The following PPP1R1B variants were observed in gnomAD, a reference collection of about 807,000 sequenced individuals.
The protein encoded by PPP1R1B is protein phosphatase 1 regulatory subunit 1B.
A neutral mutation model predicts 28.2 loss-of-function variants in PPP1R1B; 13 were observed. The ratio of observed to expected loss-of-function variants is 0.46; its 90% CI spans 0.30 to 0.73. The LOEUF (loss-of-function observed/expected upper bound fraction) is 0.73, where lower values mean the gene tolerates loss of function less well. Among genes scored for constraint, PPP1R1B ranks in the 30% least tolerant of loss-of-function variants. The pLI is 0.07. For synonymous variants in PPP1R1B, 102 were observed against 97.5 expected (o/e 1.05, Z -0.27); for missense variants, 236 against 256.7 (o/e 0.92, Z 0.55).
chr17:39,629,385 T>G (rs1431226810), intron 2 of PPP1R1B, 155 bp downstream of exon 2: 1 of 1,251,716 alleles, frequency 8.0e-7, no homozygotes, highest in Non-Finnish European at 1.2e-6. Flanking sequence ...TTTATTGACA[T>G]GACACCTCCC....
intron 4 of PPP1R1B, chr17:39,630,337 C>T (rs1431150886): frequency 9.5e-6 from 4 of 423,068 alleles, no homozygotes; most frequent in Non-Finnish European, 1.3e-5. Flanking sequence ...GGAAGGGACT[C>T]CACCTGCAGC....
At chr17:39,627,500 A>G (rs779768419) in intron 1 of PPP1R1B, 27 bp downstream of exon 1, 2 of 1,417,056 alleles carry the variant, frequency 1.4e-6, no homozygotes, top group Admixed American at 4.2e-5. Context: ...CCACCCCGGC[A>G]GCGTACCCGA....
At chr17:39,635,485 T>C in intron 5 of PPP1R1B, 122 bp from the exon 6 acceptor site, 3 of 1,357,330 alleles carry the variant, frequency 2.2e-6, no homozygotes. Flanking sequence ...CAGTTCTCTC[T>C]CCATGCTTCC....
chr17:39,629,114 G>C, intron 1 of PPP1R1B, 56 bp from the exon 2 acceptor site: 2 of 1,543,634 alleles, frequency 1.3e-6, no homozygotes, highest in South Asian at 1.1e-5. Context: ...CTGCTGCCTG[G>C]GGGTGGGGGA....
At chr17:39,635,506 T>G (rs2056912825) in intron 5 of PPP1R1B, 101 bp from the exon 6 acceptor site, 1 of 1,489,142 alleles carries the variant, frequency 6.7e-7, no homozygotes, top group Non-Finnish European at 9.1e-7. Context: ...ATGATGCCCC[T>G]GGAAAGCTTA....
chr17:39,628,576 C>A, intron 1 of PPP1R1B: 1 of 986,072 alleles, frequency 1.0e-6, no homozygotes, highest in Non-Finnish European at 1.2e-6. Flanking sequence ...CCAAGGCCCC[C>A]AGAGAGGTCC....
chr17:39,635,270 T>G (rs2056909487), intron 5 of PPP1R1B, among the ~76,000 whole-genome samples: 2 of 151,816 alleles, frequency 1.3e-5, no homozygotes, highest in Admixed American at 1.3e-4. Context: ...GGGCACCGGG[T>G]CAAATGATAG....
At chr17:39,627,841 T>A (rs1283486104) in intron 1 of PPP1R1B, among the ~76,000 whole-genome samples, 1 of 151,878 alleles carries the variant, frequency 6.6e-6, no homozygotes, top group Non-Finnish European at 1.5e-5. Flanking sequence ...CCGCTCCGCC[T>A]GGCTCTGTCC....
Position 39,631,979 on chromosome 17 carries a change from C to T in PPP1R1B, c.242-1904C>T, listed in dbSNP as rs542881783. On this transcript the variant is annotated intron_variant, in intron 4 of 6. Coordinates refer to ENST00000254079, the MANE Select transcript of PPP1R1B (RefSeq NM_032192.4). ...CCTGGCTCTTGACTGCAAGCATGGG[C>T]GAACAGGCCAGGATGAAGATGTTAG... 2.0e-5 allele frequency among the ~76,000 whole-genome samples: 3 copies of T among 152,216 alleles called. No individual in the cohort carries two copies. The East Asian group carries it at 5.8e-4, about 29-fold the overall frequency.
chr17:39,634,201 GCCTC>G, intron 5 of PPP1R1B, 115 bp downstream of exon 5: 2 of 1,322,180 alleles, frequency 1.5e-6, no homozygotes, highest in Non-Finnish European at 2.1e-6. Context: ...CACCACAGGG[GCCTC>G]CCTGTCTTCT....
intron 4 of PPP1R1B, chr17:39,632,426 T>C: frequency 6.5e-6 from 1 of 152,866 alleles, no homozygotes; most frequent in Non-Finnish European, 1.5e-5. Flanking sequence ...CTCTCCTGCC[T>C]TACCTCCCCC....
At chr17:39,635,525 C>T in intron 5 of PPP1R1B, 82 bp from the exon 6 acceptor site, 2 of 1,538,796 alleles carry the variant, frequency 1.3e-6, no homozygotes, top group Non-Finnish European at 1.8e-6. Context: ...TAACCTCAGC[C>T]ATCAGACACT....
At chr17:39,632,563 AG>A (rs1421702496) in intron 4 of PPP1R1B, 1 of 152,242 alleles carries the variant, frequency 6.6e-6, no homozygotes, top group Non-Finnish European at 1.5e-5. Flanking sequence ...CCCTAGAGAG[AG>A]GGGCACAGCA....
rs754219018 is a variant in PPP1R1B at position 39,627,449 on chromosome 17, G to A, written c.57G>A (p.Gln19=). The A allele has an allele frequency of 1.9e-6, 3 of 1,598,420 alleles. No individual in the cohort carries two copies. Among genetic ancestry groups the A allele is most frequent in the South Asian group, 2.2e-5 (2 of 89,818 alleles). The change falls in exon 1 of 7, where the codon CAG becomes CAA. Residue 19 remains glutamine (Q), a synonymous_variant. Coordinates refer to ENST00000254079, the MANE Select transcript of PPP1R1B (RefSeq NM_032192.4). ...TCTCGGTGCCCGCGCCCCCTAGCCAGCTCGACCCCCGCCAGGTGGAGATGG... is the reference window on the plus strand; with the variant it reads ...TCTCGGTGCCCGCGCCCCCTAGCCAACTCGACCCCCGCCAGGTGGAGATGG... The part of the protein sequence containing the change: ...IQFSVPAPPS[Q]LDPRQVEMIR...
At chr17:39,635,352 G>A (rs1460113917) in intron 5 of PPP1R1B, among the ~76,000 whole-genome samples, 1 of 152,080 alleles carries the variant, frequency 6.6e-6, no homozygotes, top group Non-Finnish European at 1.5e-5. Flanking sequence ...GCTGGGCAGG[G>A]TATTCACTAT....
chr17:39,628,069 C>A (rs1166203062), intron 1 of PPP1R1B, among the ~76,000 whole-genome samples: 1 of 152,124 alleles, frequency 6.6e-6, no homozygotes, highest in African/African-American at 2.4e-5. Context: ...AAAGCCAGAC[C>A]TCTTCCCACA....
In PPP1R1B at chr17:39,629,267, C is replaced by T. The variant is rs751626461; in HGVS notation, c.142+37C>T. 5 of 1,597,840 alleles carry T rather than the reference C, an allele frequency of 3.1e-6. No individual in the cohort carries two copies. In the South Asian group the frequency reaches 5.5e-5, roughly 18 times the overall value. Reference sequence around the variant, plus strand: ...CCTGCCCACTTAGCCCTGGCCCCACCCTAGCTCTGATGCCTTCCTAGGGGC... The same window carrying T: ...CCTGCCCACTTAGCCCTGGCCCCACTCTAGCTCTGATGCCTTCCTAGGGGC... On this transcript the variant is annotated intron_variant, in intron 2 of 6. Coordinates refer to ENST00000254079, the MANE Select transcript of PPP1R1B (RefSeq NM_032192.4).
intron 2 of PPP1R1B, 40 bp from the exon 3 acceptor site, chr17:39,629,500 G>T: frequency 6.2e-7 from 1 of 1,612,922 alleles, no homozygotes; most frequent in Non-Finnish European, 8.5e-7. Flanking sequence ...TTTCCTCCTC[G>T]CTTGGTTCTG....
chr17:39,632,810 CCCTGCTCACTGTGCCGGAGGTTT>C (rs1336313344), intron 4 of PPP1R1B: 1 of 152,192 alleles, frequency 6.6e-6, no homozygotes, highest in East Asian at 1.9e-4. Context: ...GAGCATAGCA[CCCTGCTCACTGTGCCGGAGGTTT>C]CCAGCCTGGC....
Sources: allele counts gnomAD v4.1 joint callset (sites outside exome capture counted in the v4.1 genomes callset), GRCh38; gene constraint gnomAD v4.1.1; transcripts MANE v1.5; gene names NCBI Gene and HGNC (gene_info 2026-07-23, HGNC 2026-07-21).